The following NRDC variants were observed in gnomAD, a reference collection of about 807,000 sequenced individuals.
NRDC encodes nardilysin convertase.
Under a neutral mutation model 147.1 loss-of-function variants are expected in NRDC, and 54 were observed. That is an observed-to-expected ratio of 0.37 (90% CI 0.29 to 0.46). The LOEUF is 0.46. NRDC is among the 20% of genes least tolerant of loss of function. The pLI, the probability that NRDC is intolerant of heterozygous loss-of-function variation, is 1.00. For synonymous variants in NRDC, 440 were observed against 482.1 expected (o/e 0.91, Z 1.14); for missense variants, 1,082 against 1,370.6 (o/e 0.79, Z 3.33).
intron 1 of NRDC, among the ~76,000 whole-genome samples, chr1:51,875,908 G>A (rs2124156385): frequency 6.6e-6 from 1 of 152,068 alleles, no homozygotes; most frequent in Admixed American, 6.5e-5. Flanking sequence ...GCTCCCTAAA[G>A]GCAGGTACTG....
At position 51,791,918 on chromosome 1, in the gene NRDC, G is replaced by A. The variant is rs939841290; in HGVS notation, c.2876+128C>T. On this transcript the variant is annotated intron_variant, in intron 26 of 30. Coordinates refer to ENST00000352171, the MANE Select transcript of NRDC (RefSeq NM_001101662.2). ...AGATACAAATTCCAAAAGTTTGGAT[G>A]ACTAAATATCACCCTATGAGATGGA... 8.3e-6 allele frequency: 8 copies of A among 960,348 alleles called. No individual in the cohort carries two copies. In the African/African-American group the frequency reaches 1.3e-4, roughly 16 times the overall value. 59.5% of individuals were successfully genotyped at this position (960,348 alleles called of 1,614,324 possible).
chr1:51,818,503 A>C (rs1417009591), intron 9 of NRDC, among the ~76,000 whole-genome samples: 10 of 152,206 alleles, frequency 6.6e-5, no homozygotes, highest in Non-Finnish European at 1.3e-4. Flanking sequence ...AATCACTTGC[A>C]TTTAAATCTT....
intron 1 of NRDC, among the ~76,000 whole-genome samples, chr1:51,848,760 A>G (rs1297329735): frequency 6.6e-6 from 1 of 152,236 alleles, no homozygotes; most frequent in Admixed American, 6.5e-5. Context: ...TCACATTTTT[A>G]ATGTATTAAC....
In NRDC at chr1:51,789,811, C is replaced by T. The variant is rs1417365; in HGVS notation, c.3169-154G>A. 2,524 of 613,080 alleles carry T rather than the reference C, an allele frequency of 4.1e-3. 40 individuals are homozygous for T. Among genetic ancestry groups the T allele is most frequent in the African/African-American group, 0.04 (2,188 of 54,110 alleles). The allele number at this position is 613,080 out of a possible 1,614,324, so 38.0% of individuals were successfully genotyped here. On this transcript the variant is annotated intron_variant, in intron 29 of 30. Coordinates refer to ENST00000352171, the MANE Select transcript of NRDC (RefSeq NM_001101662.2). ...TTACCCCTAACCTTCCAGACCAAAA[C>T]GATGATGAAGCTCTCTGGCATGCCT...
chr1:51,789,510 C>T, intron 30 of NRDC, 58 bp downstream of exon 30: 1 of 1,582,290 alleles, frequency 6.3e-7, no homozygotes, highest in Admixed American at 1.7e-5. Flanking sequence ...GATAACCACC[C>T]AAACTCACTC....
chr1:51,843,184 T>A (rs964800521), intron 1 of NRDC, among the ~76,000 whole-genome samples: 5 of 150,946 alleles, frequency 3.3e-5, no homozygotes, highest in African/African-American at 1.2e-4. Flanking sequence ...ATATGCCACC[T>A]CTAAATATGC....
chr1:51,814,564 C>T lies in NRDC; in HGVS notation c.1606G>A (p.Gly536Ser). 6.2e-7 allele frequency: 1 copy of T among 1,613,374 alleles called. No homozygotes were observed. Among genetic ancestry groups the T allele is most frequent in the Non-Finnish European group, 8.5e-7 (1 of 1,179,488 alleles). Residue 536 changes from glycine (G) to serine (S), a missense_variant, in exon 13 of 31, where the codon GGC (glycine) becomes AGC (serine). By Grantham distance (56) the Gly-to-Ser change is moderately conservative. Coordinates refer to ENST00000352171, the MANE Select transcript of NRDC (RefSeq NM_001101662.2). ...FQYLKMLQKL[G>S]PEKRIFEEIR... ...AGTGTTTATTACCTTTTTTCTGGGC[C>T]TAGCTTCTGCAGCATTTTTAAATAC...
intron 15 of NRDC, among the ~76,000 whole-genome samples, chr1:51,811,593 T>C (rs1052536983): frequency 6.6e-6 from 1 of 152,182 alleles, no homozygotes; most frequent in African/African-American, 2.4e-5. Flanking sequence ...GAACCTTACA[T>C]TTTTTTAATA....
At chr1:51,831,222 A>G (rs1229087831) in intron 4 of NRDC, among the ~76,000 whole-genome samples, 2 of 152,214 alleles carry the variant, frequency 1.3e-5, no homozygotes, top group African/African-American at 4.8e-5. Context: ...TCTTAACTAC[A>G]TTTTATACCA....
chr1:51,792,560 G>A, intron 24 of NRDC, 136 bp from the exon 25 acceptor site: 2 of 753,006 alleles, frequency 2.7e-6, no homozygotes, highest in South Asian at 1.6e-5. Flanking sequence ...ATACTTTGAT[G>A]TTGTTTACAT....
chr1:51,857,005 C>T (rs1682281390), intron 1 of NRDC, among the ~76,000 whole-genome samples: 1 of 151,954 alleles, frequency 6.6e-6, no homozygotes, highest in African/African-American at 2.4e-5. Context: ...AGACCTGACA[C>T]ACCCAACATT....
In NRDC at chr1:51,791,643, G is replaced by C; in HGVS notation, c.2895C>G (p.Thr965=). 1.2e-6 allele frequency: 2 copies of C among 1,613,748 alleles called. No homozygotes were observed. Among genetic ancestry groups the C allele is most frequent in the African/African-American group, 1.3e-5 (1 of 75,030 alleles). The change falls in exon 27 of 31, where the codon ACC becomes ACG. Residue 965 remains threonine (T), a synonymous_variant. Coordinates refer to ENST00000352171, the MANE Select transcript of NRDC (RefSeq NM_001101662.2). ...KQTLGYHVYP[T]CRNTSGILGF... is the part of the protein sequence containing the mutation. Reference sequence around the variant, plus strand: ...CTAGAATCCCGGATGTGTTCCTACAGGTAGGGTAGACATGGTACCTACAAG... The same window carrying C: ...CTAGAATCCCGGATGTGTTCCTACACGTAGGGTAGACATGGTACCTACAAG...
At chr1:51,790,507 C>G (rs372028470) in intron 29 of NRDC, 26 bp downstream of exon 29, 155 of 1,422,496 alleles carry the variant, frequency 1.1e-4, no homozygotes, top group Non-Finnish European at 1.4e-4. Flanking sequence ...CCAGTTTGAG[C>G]TGTCTTACTC....
intron 1 of NRDC, 40 bp downstream of exon 1, chr1:51,878,235 G>GCCTC: frequency 1.3e-6 from 2 of 1,565,382 alleles, no homozygotes; most frequent in Non-Finnish European, 1.7e-6. Flanking sequence ...AGAGAAGCCG[G>GCCTC]CACACTGTTC....
intron 2 of NRDC, among the ~76,000 whole-genome samples, chr1:51,839,407 T>C (rs1681153118): frequency 6.6e-6 from 1 of 152,118 alleles, no homozygotes; most frequent in African/African-American, 2.4e-5. Context: ...TCAAGTGATC[T>C]GCCCATCTCG....
chr1:51,798,132 C>T, intron 22 of NRDC, 117 bp downstream of exon 22: 3 of 1,008,196 alleles, frequency 3.0e-6, no homozygotes, highest in Non-Finnish European at 4.4e-6. Flanking sequence ...CCCTTCTAAA[C>T]AGAATATGAT....
intron 11 of NRDC, 54 bp downstream of exon 11, chr1:51,816,258 C>A: frequency 8.6e-7 from 1 of 1,161,428 alleles, no homozygotes; most frequent in South Asian, 1.5e-5. Context: ...TACTTATTGT[C>A]TACTATTTTT....
In NRDC at chr1:51,789,372, T is replaced by C. The variant is rs1174773408; in HGVS notation, c.3320A>G (p.Asn1107Ser). Reference protein sequence around the residue: ...EDGTPSSEDSNSSCEVMQLTY... With the variant: ...EDGTPSSEDSSSSCEVMQLTY... ...CAGCTGCATCACTTCACAAGAAGAA[T>C]TTGAATCCTCACTAGAAGGGGTACC... The change falls in exon 31 of 31, where the codon AAT (asparagine) becomes AGT (serine). Residue 1107 changes from asparagine to serine, a missense_variant. By Grantham distance (46) the Asn-to-Ser change is conservative. Around this residue, in one of 3 missense-constraint regions of NRDC, gnomAD observed 187 missense variants for 193.6 expected, o/e 0.97. Transcript: ENST00000352171. The C allele has an allele frequency of 9.9e-6, 16 of 1,614,148 alleles. No homozygotes were observed. The highest frequency in any genetic ancestry group is 1.4e-5 in the Non-Finnish European group (16 of 1,180,014).
At chr1:51,803,387 A>T (rs1204846654) in intron 20 of NRDC, among the ~76,000 whole-genome samples, 4 of 151,860 alleles carry the variant, frequency 2.6e-5, no homozygotes, top group African/African-American at 9.7e-5. Context: ...AGGCATGAGA[A>T]CTGATTGAAC....
Sources: gnomAD v4.1 joint callset for allele counts (sites outside exome capture counted in the v4.1 genomes callset) on GRCh38, gnomAD v4.1.1 for gene constraint, gnomAD v4.1.1 regional missense constraint, MANE v1.5 for transcripts, NCBI Gene and HGNC (gene_info 2026-07-23, HGNC 2026-07-21) for gene names.